Variants in TMEM108 observed in about 807,000 individuals in gnomAD.
The protein encoded by TMEM108 is transmembrane protein 108.
A neutral mutation model predicts 35.1 loss-of-function variants in TMEM108; 12 were observed. The ratio of observed to expected loss-of-function variants is 0.34; its 90% CI spans 0.22 to 0.55. TMEM108 has a LOEUF of 0.55. Ranked by LOEUF, TMEM108 falls within the 20% of genes least tolerant of loss-of-function variation. The probability of loss-of-function intolerance (pLI) is 0.89; values close to 1 mark genes in which losing one functional copy is unlikely to be tolerated. For missense variants in TMEM108, 680 were observed against 753.3 expected (o/e 0.90, Z 1.14); for synonymous variants, 287 against 308.6 (o/e 0.93, Z 0.73).
At position 133,088,612 on chromosome 3, in the gene TMEM108, G is replaced by T. The variant is rs548147599; in HGVS notation, c.-47+42592G>T. ...TAGTTCATCCACAAAGAAGGATTTG[G>T]TGCTAAGCAGTATATTCACACTGTA... On this transcript the variant is annotated intron_variant, in intron 2 of 5. Transcript: ENST00000321871. 3.3e-5 allele frequency among the ~76,000 whole-genome samples: 5 copies of T among 152,268 alleles called. No individual in the cohort carries two copies. In the South Asian group the frequency reaches 1.0e-3, roughly 32 times the overall value.
At chr3:133,103,810 T>C (rs1416137231) in intron 2 of TMEM108, among the ~76,000 whole-genome samples, 1 of 152,190 alleles carries the variant, frequency 6.6e-6, no homozygotes, top group East Asian at 1.9e-4. Flanking sequence ...AGGTCAGATG[T>C]AGGCCATGCC....
At chr3:133,356,697 C>A (rs183434548) in intron 3 of TMEM108, among the ~76,000 whole-genome samples, 1 of 151,980 alleles carries the variant, frequency 6.6e-6, no homozygotes, top group Non-Finnish European at 1.5e-5. Flanking sequence ...ATCTACAAAC[C>A]ATGCAAAAAC....
At chr3:133,205,717 G>C (rs1274705374) in intron 2 of TMEM108, among the ~76,000 whole-genome samples, 21 of 152,058 alleles carry the variant, frequency 1.4e-4, no homozygotes, top group Non-Finnish European at 2.9e-4. Context: ...CTTTCTTTCT[G>C]GCTGCCCTTC....
intron 2 of TMEM108, among the ~76,000 whole-genome samples, chr3:133,160,560 T>C (rs1233907609): frequency 1.3e-5 from 2 of 152,232 alleles, no homozygotes. Flanking sequence ...CAATAGGGCA[T>C]AGCCAGGCTG....
intron 2 of TMEM108, among the ~76,000 whole-genome samples, chr3:133,061,067 A>G (rs1018082930): frequency 1.3e-5 from 2 of 152,216 alleles, no homozygotes; most frequent in African/African-American, 2.4e-5. Context: ...GCCTATTTAC[A>G]TAAAATTGTT....
At chr3:133,234,349 C>CAATAA (rs1946200906) in intron 3 of TMEM108, among the ~76,000 whole-genome samples, 1 of 152,110 alleles carries the variant, frequency 6.6e-6, no homozygotes, top group African/African-American at 2.4e-5. Flanking sequence ...CAAAAATCCT[C>CAATAA]AATAAAATAC....
intron 3 of TMEM108, among the ~76,000 whole-genome samples, chr3:133,265,195 C>T (rs766710716): frequency 2.0e-5 from 3 of 152,206 alleles, no homozygotes; most frequent in South Asian, 2.1e-4. Context: ...CATAGCCAGA[C>T]GTAGGCAAGA....
In TMEM108 at chr3:133,380,366, A is replaced by C; in HGVS notation, c.655A>C (p.Ile219Leu). The change falls in exon 4 of 6, where the codon ATC (isoleucine) becomes CTC (leucine). Residue 219 changes from isoleucine (I) to leucine (L), a missense_variant. Physicochemically the swap from Ile to Leu is conservative, Grantham distance 5. Around this residue, in one of 3 missense-constraint regions of TMEM108, gnomAD observed 526 missense variants for 532.1 expected, o/e 0.99. Transcript: ENST00000321871. This position sits in a 1 kb window ranked among gnomAD's most constrained non-coding sequence, Gnocchi z 5.3. ...GCGGCCCCTGGGGAAAATCTTTCAGATCTACAAGGGCAACTTCACAGGGTC... is the reference window on the plus strand; with the variant it reads ...GCGGCCCCTGGGGAAAATCTTTCAGCTCTACAAGGGCAACTTCACAGGGTC... ...QKRPLGKIFQ[I>L]YKGNFTGSVE... is the part of the protein sequence containing the mutation. 1.9e-6 allele frequency: 3 copies of C among 1,613,808 alleles called. No homozygotes were observed. Among genetic ancestry groups the C allele is most frequent in the Non-Finnish European group, 2.5e-6 (3 of 1,179,838 alleles).
intron 2 of TMEM108, among the ~76,000 whole-genome samples, chr3:133,197,240 G>C (rs1206688227): frequency 6.6e-6 from 1 of 152,192 alleles, no homozygotes; most frequent in Non-Finnish European, 1.5e-5. Flanking sequence ...AAAGGTTTTT[G>C]TATTACCTTT....
At chr3:133,390,946 CAGTG>C (rs1559949945) in intron 5 of TMEM108, among the ~76,000 whole-genome samples, 1 of 152,200 alleles carries the variant, frequency 6.6e-6, no homozygotes, top group African/African-American at 2.4e-5. Context: ...CCTGGCTGGT[CAGTG>C]AGTGAGCTGA....
chr3:133,259,497 C>G (rs1318379489), intron 3 of TMEM108, among the ~76,000 whole-genome samples: 1 of 152,236 alleles, frequency 6.6e-6, no homozygotes, highest in Non-Finnish European at 1.5e-5. Context: ...CCCCATTATA[C>G]AGTTGAGGAA....
At chr3:133,126,160 CT>C (rs1161713282) in intron 2 of TMEM108, among the ~76,000 whole-genome samples, 2 of 152,150 alleles carry the variant, frequency 1.3e-5, no homozygotes, top group African/African-American at 4.8e-5. Context: ...CTACTATAAT[CT>C]TTTTTTTAAA....
chr3:133,078,140 AGTGTGT>A (rs745912251), intron 2 of TMEM108, among the ~76,000 whole-genome samples: 1 of 106,224 alleles, frequency 9.4e-6, no homozygotes, highest in Non-Finnish European at 1.9e-5. Context: ...TATGGAGCTC[AGTGTGT>A]GTGTGTGTGT....
chr3:133,390,256 C>T lies in TMEM108; in HGVS notation c.1527C>T (p.Asn509=), dbSNP rs750493573. Reference sequence around the variant, plus strand: ...CGGAGAACAACCTGAGCTACTGGAACAACACCATCACCATGGACTACTTCA... The same window carrying T: ...CGGAGAACAACCTGAGCTACTGGAATAACACCATCACCATGGACTACTTCA... ...ANPENNLSYW[N]NTITMDYFNR... The change falls in exon 5 of 6, where the codon AAC becomes AAT. Residue 509 remains asparagine, a synonymous_variant. Coordinates refer to ENST00000321871, the MANE Select transcript of TMEM108 (RefSeq NM_023943.4). 7 of 1,614,218 alleles carry T rather than the reference C, an allele frequency of 4.3e-6. No homozygotes were observed. In the Admixed American group the frequency reaches 1.2e-4, roughly 27 times the overall value.
chr3:133,198,179 A>T (rs542705121), intron 2 of TMEM108, among the ~76,000 whole-genome samples: 2 of 152,338 alleles, frequency 1.3e-5, no homozygotes, highest in South Asian at 4.1e-4. Flanking sequence ...GAATTTTCGT[A>T]TAACTTGTTT....
At chr3:133,238,239 CT>C (rs1946266779) in intron 3 of TMEM108, among the ~76,000 whole-genome samples, 1 of 152,084 alleles carries the variant, frequency 6.6e-6, no homozygotes, top group African/African-American at 2.4e-5. Flanking sequence ...TGCTTGTTTT[CT>C]TTTTGTCTAG....
At chr3:133,220,713 T>A (rs1945977184) in intron 2 of TMEM108, among the ~76,000 whole-genome samples, 1 of 152,198 alleles carries the variant, frequency 6.6e-6, no homozygotes, top group Admixed American at 6.5e-5. Flanking sequence ...CAATTTTTAA[T>A]TCTGACAGTA....
At chr3:133,202,074 G>A (rs983348184) in intron 2 of TMEM108, among the ~76,000 whole-genome samples, 2 of 152,264 alleles carry the variant, frequency 1.3e-5, no homozygotes, top group Admixed American at 6.5e-5. Flanking sequence ...TTTCTCGTAC[G>A]TTTGTTGGCT....
rs544596667 is a variant in TMEM108, at chr3:133,038,767, G to A, written c.-166+332G>A. On this transcript the variant is annotated intron_variant, in intron 1 of 5. Coordinates refer to ENST00000321871, the MANE Select transcript of TMEM108 (RefSeq NM_023943.4). The stretch of plus-strand genomic sequence containing the variant: ...GTGATGGGGCGCGGGCGTCAGGAGC[G>A]CTGGACCTGGGCTGGGGCCGAGGAG... 1.2e-4 allele frequency among the ~76,000 whole-genome samples: 18 copies of A among 152,338 alleles called. No homozygotes were observed. In the South Asian group the frequency reaches 3.1e-3, roughly 26 times the overall value.
Sources: gnomAD v4.1 joint callset for allele counts (sites outside exome capture counted in the v4.1 genomes callset) on GRCh38, gnomAD v4.1.1 for gene constraint, gnomAD v4.1.1 regional missense constraint, Gnocchi (gnomAD v3.1) non-coding constraint, MANE v1.5 for transcripts, NCBI Gene and HGNC (gene_info 2026-07-23, HGNC 2026-07-21) for gene names.